TMEM51: variants seen among roughly 807,000 people sequenced by gnomAD.
TMEM51 encodes chromosome 1 open reading frame 72.
Under a neutral mutation model 13.6 loss-of-function variants are expected in TMEM51, and 8 were observed. The ratio of observed to expected loss-of-function variants is 0.59; its 90% CI spans 0.35 to 1.07. The LOEUF (loss-of-function observed/expected upper bound fraction) is 1.07. Ranked by LOEUF, TMEM51 falls within the 50% of genes least tolerant of loss-of-function variation. The probability of loss-of-function intolerance (pLI) is 0.02; values close to 1 mark genes in which losing one functional copy is unlikely to be tolerated. For missense variants in TMEM51, 279 were observed against 330.7 expected, an observed-to-expected ratio of 0.84 and a Z score of 1.21; for synonymous variants, 147 against 144.4, an observed-to-expected ratio of 1.02 and a Z score of -0.13.
chr1:15,189,050 A>AT (rs1484597350), intron 1 of TMEM51, among the ~76,000 whole-genome samples: 8 of 151,866 alleles, frequency 5.3e-5, no homozygotes, highest in South Asian at 2.1e-4. Flanking sequence ...GTCATTATAT[A>AT]TTTTTTTGGA....
chr1:15,198,187 G>A (rs954392953), intron 1 of TMEM51, among the ~76,000 whole-genome samples: 1 of 152,012 alleles, frequency 6.6e-6, no homozygotes, highest in African/African-American at 2.4e-5. Flanking sequence ...GAAGCAGGGG[G>A]AGACATGTCT....
In TMEM51 at chr1:15,161,864, G is replaced by T. The variant is rs191622885; in HGVS notation, c.-267+7910G>T. On this transcript the variant is annotated intron_variant, in intron 1 of 3. Transcript: ENST00000376008. The surrounding 1 kb of genome is among the most constrained non-coding windows in gnomAD (Gnocchi z 4.0). ...GAATGGCTTGAACCCGGGAGGCGGA[G>T]GTTGCAGTGAGCCGAGATGGAGCCA... is the stretch of plus-strand genomic sequence containing the variant. Among the ~76,000 whole-genome samples the T allele has an allele frequency of 6.6e-6, 1 of 152,122 alleles. No homozygotes were observed. The highest frequency in any genetic ancestry group is 6.5e-5 in the Admixed American group (1 of 15,288).
intron 2 of TMEM51, among the ~76,000 whole-genome samples, chr1:15,213,215 T>G (rs1421362125): frequency 1.3e-5 from 2 of 152,212 alleles, no homozygotes; most frequent in Non-Finnish European, 2.9e-5. Context: ...TAGGAGGTAG[T>G]GAGATGCACA....
intron 1 of TMEM51, among the ~76,000 whole-genome samples, chr1:15,155,250 G>A (rs1642550646): frequency 6.6e-6 from 1 of 152,194 alleles, no homozygotes; most frequent in Admixed American, 6.5e-5. Flanking sequence ...GGGTGTCTGG[G>A]GCCTGCCCCA....
chr1:15,190,478 G>C (rs1047284650), intron 1 of TMEM51, among the ~76,000 whole-genome samples: 2 of 152,174 alleles, frequency 1.3e-5, no homozygotes, highest in African/African-American at 4.8e-5. Context: ...CCTGCTGCCA[G>C]ATACCAGGGC....
intron 2 of TMEM51, among the ~76,000 whole-genome samples, chr1:15,213,572 TA>T (rs1488098756): frequency 6.6e-6 from 1 of 152,214 alleles, no homozygotes; most frequent in African/African-American, 2.4e-5. Flanking sequence ...TGTTCTAAAC[TA>T]AAGCCTTGAG....
intron 1 of TMEM51, among the ~76,000 whole-genome samples, chr1:15,176,584 A>G (rs1573397193): frequency 2.0e-5 from 3 of 152,252 alleles, no homozygotes; most frequent in Middle Eastern, 6.8e-3. Flanking sequence ...TAGACCCAGG[A>G]CCGTTTCCCT....
At chr1:15,215,658 C>A (rs1176571558) in intron 3 of TMEM51, among the ~76,000 whole-genome samples, 1 of 152,114 alleles carries the variant, frequency 6.6e-6, no homozygotes, top group Non-Finnish European at 1.5e-5. Context: ...ACAGGTAAAC[C>A]AAGATTTTTT....
intron 1 of TMEM51, among the ~76,000 whole-genome samples, chr1:15,209,986 A>G (rs1306685185): frequency 6.6e-6 from 1 of 152,100 alleles, no homozygotes; most frequent in Non-Finnish European, 1.5e-5. Context: ...AGCTGAGATC[A>G]CACCACTGCA....
chr1:15,156,240 G>A (rs1642588923), intron 1 of TMEM51, among the ~76,000 whole-genome samples: 1 of 152,182 alleles, frequency 6.6e-6, no homozygotes, highest in African/African-American at 2.4e-5. Flanking sequence ...CACGAGGCCT[G>A]GGAGTTTCTC....
chr1:15,202,085 C>A (rs1644166362), intron 1 of TMEM51, among the ~76,000 whole-genome samples: 1 of 152,162 alleles, frequency 6.6e-6, no homozygotes, highest in African/African-American at 2.4e-5. Context: ...ACGAGAATAC[C>A]TTTATCAAGT....
intron 1 of TMEM51, among the ~76,000 whole-genome samples, chr1:15,199,135 CTT>C (rs34449224): frequency 9.6e-5 from 14 of 145,156 alleles, no homozygotes; most frequent in African/African-American, 2.3e-4. Flanking sequence ...TTCACGGAGA[CTT>C]TTTTTTTTTT....
At chr1:15,188,005 AG>A (rs935063490) in intron 1 of TMEM51, among the ~76,000 whole-genome samples, 2 of 152,134 alleles carry the variant, frequency 1.3e-5, no homozygotes, top group Non-Finnish European at 2.9e-5. Flanking sequence ...GCCTCAGAAA[AG>A]GGGGGGTAGG....
chr1:15,212,369 G>A (rs1376624183), intron 2 of TMEM51, among the ~76,000 whole-genome samples: 2 of 152,138 alleles, frequency 1.3e-5, no homozygotes, highest in African/African-American at 2.4e-5. Context: ...CACATCTGGA[G>A]CCTGTCTTTC....
At chr1:15,199,135 C>CT (rs34449224) in intron 1 of TMEM51, among the ~76,000 whole-genome samples, 62,817 of 145,098 alleles carry the variant, frequency 0.43, 14,254 homozygotes, top group East Asian at 0.9. Context: ...TTCACGGAGA[C>CT]TTTTTTTTTT....
chr1:15,212,145 T>C (rs1455103679), intron 2 of TMEM51, among the ~76,000 whole-genome samples: 1 of 152,216 alleles, frequency 6.6e-6, no homozygotes, highest in Non-Finnish European at 1.5e-5. Flanking sequence ...CTGTACATAA[T>C]TCTTAGAAGT....
At chr1:15,204,747 T>TTA (rs1644219778) in intron 1 of TMEM51, among the ~76,000 whole-genome samples, 2 of 152,208 alleles carry the variant, frequency 1.3e-5, no homozygotes, top group African/African-American at 4.8e-5. Flanking sequence ...AGTACCTCCC[T>TTA]TATATGACTG....
chr1:15,172,898 C>A (rs1054263597), intron 1 of TMEM51, among the ~76,000 whole-genome samples: 2 of 152,140 alleles, frequency 1.3e-5, no homozygotes, highest in East Asian at 1.9e-4. Context: ...TAGGAGCGGT[C>A]TGGGTTATCA....
intron 1 of TMEM51, among the ~76,000 whole-genome samples, chr1:15,182,206 A>AATGACTG (rs1452812707): frequency 6.7e-5 from 10 of 148,928 alleles, no homozygotes; most frequent in East Asian, 2.0e-4. Flanking sequence ...ATAAATAAAT[A>AATGACTG]ACTGCACTAG....
Sources: allele counts gnomAD v4.1 joint callset (sites outside exome capture counted in the v4.1 genomes callset), GRCh38; gene constraint gnomAD v4.1.1; non-coding constraint Gnocchi (gnomAD v3.1); transcripts MANE v1.5; gene names NCBI Gene and HGNC (gene_info 2026-07-23, HGNC 2026-07-21).